The following ARMH3 variants were observed in gnomAD, a reference collection of about 807,000 sequenced individuals.
ARMH3 encodes the protein armadillo-like helical domain-containing protein 3.
In ARMH3, 60 loss-of-function variants were observed where a neutral mutation model predicts 99.1. That is an observed-to-expected ratio of 0.61 (90% CI 0.49 to 0.75). ARMH3 has a LOEUF of 0.75. Ranked by LOEUF, ARMH3 falls within the 30% of genes least tolerant of loss-of-function variation. The pLI is 0.00. For missense variants in ARMH3, 679 were observed against 843.1 expected, an observed-to-expected ratio of 0.81 and a Z score of 2.41; for synonymous variants, 285 against 292.8, an observed-to-expected ratio of 0.97 and a Z score of 0.27.
At chr10:102,025,989 C>A (rs1172481926) in intron 5 of ARMH3, among the ~76,000 whole-genome samples, 2 of 152,122 alleles carry the variant, frequency 1.3e-5, no homozygotes, top group Admixed American at 1.3e-4. Flanking sequence ...GATTCAGGCA[C>A]ACTGAATAAA....
chr10:101,920,887 C>T (rs1381984995), intron 23 of ARMH3, among the ~76,000 whole-genome samples: 5 of 151,962 alleles, frequency 3.3e-5, no homozygotes, highest in Non-Finnish European at 7.4e-5. Context: ...CAAAATAAGC[C>T]AGTCACAAAA....
At chr10:101,994,356 T>A (rs1177121688) in intron 16 of ARMH3, among the ~76,000 whole-genome samples, 1 of 152,150 alleles carries the variant, frequency 6.6e-6, no homozygotes, top group Non-Finnish European at 1.5e-5. Flanking sequence ...CCTAATCTTG[T>A]GAAAAGGAGG....
intron 20 of ARMH3, among the ~76,000 whole-genome samples, chr10:101,968,256 C>T (rs923306111): frequency 6.6e-6 from 1 of 152,100 alleles, no homozygotes; most frequent in Non-Finnish European, 1.5e-5. Context: ...TTCTAGGGCC[C>T]TATACCACCT....
chr10:101,979,551 G>A (rs1407667610), intron 19 of ARMH3, among the ~76,000 whole-genome samples: 2 of 152,044 alleles, frequency 1.3e-5, no homozygotes, highest in Non-Finnish European at 2.9e-5. Flanking sequence ...TGCAAGGGTC[G>A]ATTGAAAATG....
At chr10:101,879,014 C>G (rs1254609839) in intron 24 of ARMH3, among the ~76,000 whole-genome samples, 2 of 152,138 alleles carry the variant, frequency 1.3e-5, no homozygotes, top group Non-Finnish European at 2.9e-5. Flanking sequence ...AGGCACAGTC[C>G]CCAGACGCCT....
chr10:101,886,180 T>C (rs1285434362), intron 24 of ARMH3, among the ~76,000 whole-genome samples: 3 of 151,646 alleles, frequency 2.0e-5, no homozygotes, highest in Non-Finnish European at 4.4e-5. Context: ...AGCACCTGCA[T>C]ATATACCATA....
In ARMH3 at chr10:101,887,212, A is replaced by C. The variant is rs573106773; in HGVS notation, c.1860+2200T>G. Reference sequence around the variant, plus strand: ...GAGAAGAGAAGCAACAACTATTTTGAGGGTGGCTCTCAAGAAGGTCCCAGA... The same window carrying C: ...GAGAAGAGAAGCAACAACTATTTTGCGGGTGGCTCTCAAGAAGGTCCCAGA... On this transcript the variant is annotated intron_variant, in intron 24 of 25. Transcript: ENST00000370033. Among the ~76,000 whole-genome samples, 5 of 152,240 alleles carry C rather than the reference A, an allele frequency of 3.3e-5. No homozygotes were observed. The South Asian group carries it at 1.0e-3, about 32-fold the overall frequency.
chr10:101,983,359 G>A (rs764915998), intron 19 of ARMH3, among the ~76,000 whole-genome samples: 6 of 152,114 alleles, frequency 3.9e-5, no homozygotes, highest in Non-Finnish European at 7.3e-5. Flanking sequence ...ACGGCTCACC[G>A]CAGCCTTGAC....
chr10:102,027,974 C>T (rs2067036949), intron 5 of ARMH3, among the ~76,000 whole-genome samples: 2 of 150,038 alleles, frequency 1.3e-5, no homozygotes, highest in South Asian at 2.1e-4. Flanking sequence ...ATTCAGAATA[C>T]GAAAAGAACT....
chr10:101,855,396 A>T (rs891876272), intron 24 of ARMH3, among the ~76,000 whole-genome samples: 3 of 149,544 alleles, frequency 2.0e-5, no homozygotes, highest in Non-Finnish European at 4.5e-5. Flanking sequence ...AAGTGCTACT[A>T]CATGGACAAA....
At chr10:102,054,858 T>C (rs1234845735) in intron 1 of ARMH3, among the ~76,000 whole-genome samples, 1 of 150,822 alleles carries the variant, frequency 6.6e-6, no homozygotes, top group African/African-American at 2.4e-5. Context: ...TAGCCGGGCG[T>C]GGTAGCTCAC....
intron 23 of ARMH3, among the ~76,000 whole-genome samples, chr10:101,930,320 T>C (rs1446978477): frequency 1.3e-5 from 2 of 152,064 alleles, no homozygotes; most frequent in Non-Finnish European, 2.9e-5. Context: ...TTCTTCAACC[T>C]GATAAAGAGT....
intron 18 of ARMH3, 75 bp from the exon 19 acceptor site, chr10:101,990,686 TTC>T: frequency 1.7e-6 from 2 of 1,177,174 alleles, no homozygotes; most frequent in Non-Finnish European, 2.5e-6. Context: ...GAAAAAAAGC[TTC>T]TGAGTACACC....
intron 24 of ARMH3, among the ~76,000 whole-genome samples, chr10:101,862,974 C>T (rs1013556516): frequency 6.6e-5 from 10 of 152,042 alleles, no homozygotes; most frequent in African/African-American, 1.7e-4. Context: ...GAGGCAGAGG[C>T]GGGTGGATCA....
intron 8 of ARMH3, among the ~76,000 whole-genome samples, chr10:102,021,195 G>C (rs2136155506): frequency 6.6e-6 from 1 of 152,072 alleles, no homozygotes; most frequent in Admixed American, 6.6e-5. Context: ...TCCCACCTCA[G>C]CCTCCTGAGT....
chr10:101,884,399 G>A (rs1473608775), intron 24 of ARMH3, among the ~76,000 whole-genome samples: 1 of 152,142 alleles, frequency 6.6e-6, no homozygotes, highest in African/African-American at 2.4e-5. Flanking sequence ...ACACTGGAGA[G>A]AGAAAGGAAC....
chr10:101,950,362 A>C (rs1328306652), intron 22 of ARMH3, among the ~76,000 whole-genome samples: 1 of 152,212 alleles, frequency 6.6e-6, no homozygotes, highest in Non-Finnish European at 1.5e-5. Flanking sequence ...CCACATTGGA[A>C]AAGTGAGGAC....
chr10:102,031,422 A>C (rs1212122708), intron 4 of ARMH3, among the ~76,000 whole-genome samples: 1 of 152,244 alleles, frequency 6.6e-6, no homozygotes, highest in Non-Finnish European at 1.5e-5. Flanking sequence ...ATGTCAACTT[A>C]TTTCCACTGA....
intron 19 of ARMH3, among the ~76,000 whole-genome samples, chr10:101,989,965 C>T (rs1352569040): frequency 1.3e-5 from 2 of 152,170 alleles, no homozygotes; most frequent in Admixed American, 6.5e-5. Context: ...TCTTTGATTA[C>T]AACAGACCCC....
Sources: gnomAD v4.1 joint callset for allele counts (sites outside exome capture counted in the v4.1 genomes callset) on GRCh38, gnomAD v4.1.1 for gene constraint, MANE v1.5 for transcripts, NCBI Gene and HGNC (gene_info 2026-07-23, HGNC 2026-07-21) for gene names.